Variants in THAP6 observed in about 807,000 individuals in gnomAD.
The protein encoded by THAP6 is THAP domain-containing protein 6.
In THAP6, 13 loss-of-function variants were observed where a neutral mutation model predicts 20.0. That is an observed-to-expected ratio of 0.65 (90% CI 0.42 to 1.03). The LOEUF is 1.03. Among genes scored for constraint, THAP6 ranks in the 50% least tolerant of loss-of-function variants. The pLI is 0.00. For missense variants in THAP6, 262 were observed against 261.6 expected (o/e 1.00, Z -0.01); for synonymous variants, 93 against 92.2 (o/e 1.01, Z -0.05).
chr4:75,518,844 CTGTT>C (rs1725831569), intron 3 of THAP6, among the ~76,000 whole-genome samples: 2 of 152,212 alleles, frequency 1.3e-5, no homozygotes, highest in Admixed American at 1.3e-4. Context: ...GCATCCCAAT[CTGTT>C]TGTGCTGCAG....
At chr4:75,539,342 C>T (rs1726945907) in intron 2 of THAP6, among the ~76,000 whole-genome samples, 1 of 152,138 alleles carries the variant, frequency 6.6e-6, no homozygotes, top group Non-Finnish European at 1.5e-5. Context: ...TGTAATAACC[C>T]ATCACATATA....
Position 75,516,888 on chromosome 4 carries a change from T to G in THAP6, c.197T>G (p.Phe66Cys), listed in dbSNP as rs201504507. 6.2e-7 allele frequency: 1 copy of G among 1,614,116 alleles called. No individual in the cohort carries two copies. The highest frequency in any genetic ancestry group is 8.5e-7 in the Non-Finnish European group (1 of 1,180,004). The change falls in exon 3 of 5, where the codon TTT (phenylalanine) becomes TGT (cysteine). Residue 66 changes from phenylalanine to cysteine, a missense_variant. Phe to Cys is a radical substitution (Grantham distance 205, BLOSUM62 -2). Coordinates refer to ENST00000311638, the MANE Select transcript of THAP6 (RefSeq NM_144721.6). Reference sequence around the variant, plus strand: ...GGAGATGTGTTGTGTTCGAGGCACTTTAAGAAGACAGATTTTGACAGAAGT... The same window carrying G: ...GGAGATGTGTTGTGTTCGAGGCACTGTAAGAAGACAGATTTTGACAGAAGT... Reference protein sequence around the residue: ...KKGDVLCSRHFKKTDFDRSAP... With the variant: ...KKGDVLCSRHCKKTDFDRSAP...
intron 2 of THAP6, chr4:75,539,818 A>C: frequency 6.5e-7 from 1 of 1,535,814 alleles, no homozygotes; most frequent in Non-Finnish European, 8.7e-7. Context: ...AGCCATCCAC[A>C]TACTGTTTTT....
upstream of THAP6, chr4:75,514,003 G>A (rs967128436): frequency 8.6e-5 from 65 of 752,974 alleles, no homozygotes; most frequent in Non-Finnish European, 1.3e-4. Flanking sequence ...TTAAAGGTAC[G>A]AAGCAGGTAG....
At chr4:75,520,133 A>C (rs556065328) in intron 3 of THAP6, among the ~76,000 whole-genome samples, 1 of 152,230 alleles carries the variant, frequency 6.6e-6, no homozygotes, top group Non-Finnish European at 1.5e-5. Flanking sequence ...TCTTCTTTTG[A>C]GAAGTGTCTG....
chr4:75,529,780 C>T lies in THAP6; in HGVS notation c.*2566C>T. 1 of 985,406 alleles carries T rather than the reference C, an allele frequency of 1.0e-6. No individual in the cohort carries two copies. Among genetic ancestry groups the T allele is most frequent in the African/African-American group, 1.7e-5 (1 of 57,348 alleles). 61.0% of individuals were successfully genotyped at this position (985,406 alleles called of 1,614,324 possible). A position where few individuals can be genotyped will look rare whatever the true frequency, so the allele number is the denominator to read the frequency against. ...ACACATTAATACAACAGTTCAACCT[C>T]AGCACCAAGTCAGGTACGAAGCGCT... is the stretch of plus-strand genomic sequence containing the variant. On this transcript the variant is annotated 3_prime_UTR_variant, in exon 5 of 5. Coordinates refer to ENST00000311638, the MANE Select transcript of THAP6 (RefSeq NM_144721.6).
At chr4:75,546,063 C>T (rs1578286478) in intron 3 of THAP6, among the ~76,000 whole-genome samples, 1 of 152,162 alleles carries the variant, frequency 6.6e-6, no homozygotes, top group East Asian at 1.9e-4. Flanking sequence ...TCACTTAATA[C>T]AGAAGGATGG....
In THAP6 at chr4:75,529,575, C is replaced by G; in HGVS notation, c.*2361C>G. The G allele has an allele frequency of 1.0e-6, 1 of 985,438 alleles. No individual in the cohort carries two copies. The highest frequency in any genetic ancestry group is 1.2e-6 in the Non-Finnish European group (1 of 829,958). 61.0% of individuals were successfully genotyped at this position (985,438 alleles called of 1,614,324 possible). The stretch of plus-strand genomic sequence containing the variant: ...CCTCCCTGCTGCTCCAAACAAATGC[C>G]TAAACACAGTATGTATCTCAGTCCT... On this transcript the variant is annotated 3_prime_UTR_variant, in exon 5 of 5. Coordinates refer to ENST00000311638, the MANE Select transcript of THAP6 (RefSeq NM_144721.6).
chr4:75,544,825 A>T (rs1156717702), intron 3 of THAP6, among the ~76,000 whole-genome samples: 3 of 152,188 alleles, frequency 2.0e-5, no homozygotes, highest in Admixed American at 2.0e-4. Flanking sequence ...CTTGAAAAAA[A>T]ATTAACCAAG....
intron 3 of THAP6, 29 bp downstream of exon 3, chr4:75,517,008 A>C: frequency 1.6e-6 from 2 of 1,229,784 alleles, no homozygotes; most frequent in Non-Finnish European, 2.3e-6. Context: ...GTTTACCATC[A>C]TTGCTCACTT....
At chr4:75,516,553 G>A (rs530316252) in intron 2 of THAP6, among the ~76,000 whole-genome samples, 1 of 152,230 alleles carries the variant, frequency 6.6e-6, no homozygotes, top group South Asian at 2.1e-4. Context: ...GAGAAAAAAT[G>A]AAATGAGGGC....
intron 4 of THAP6, among the ~76,000 whole-genome samples, chr4:75,525,347 T>C (rs1230501209): frequency 6.6e-6 from 1 of 152,212 alleles, no homozygotes; most frequent in Non-Finnish European, 1.5e-5. Flanking sequence ...CTGTAGTCCA[T>C]ACTGGATAGT....
At chr4:75,546,186 C>T (rs551202166) in intron 3 of THAP6, among the ~76,000 whole-genome samples, 33 of 152,260 alleles carry the variant, frequency 2.2e-4, no homozygotes, top group Non-Finnish European at 4.4e-4. Context: ...TTCAAACCAC[C>T]AGGAAAGAGG....
intron 3 of THAP6, among the ~76,000 whole-genome samples, chr4:75,518,796 A>C (rs1185471618): frequency 6.6e-6 from 1 of 152,240 alleles, no homozygotes; most frequent in African/African-American, 2.4e-5. Context: ...TCTTCCAGAG[A>C]ATTAGATTCA....
intron 3 of THAP6, chr4:75,542,544 C>T: frequency 1.4e-6 from 1 of 692,866 alleles, no homozygotes; most frequent in Admixed American, 2.1e-5. Flanking sequence ...TTCACAACAA[C>T]CCTATAAGGT....
chr4:75,535,246 A>G (rs1194143405), intron 2 of THAP6, among the ~76,000 whole-genome samples: 2 of 152,206 alleles, frequency 1.3e-5, no homozygotes, highest in Non-Finnish European at 1.5e-5. Context: ...GAACTACAAG[A>G]TGAAATTTAG....
chr4:75,545,344 T>C (rs750855862), intron 3 of THAP6, among the ~76,000 whole-genome samples: 1 of 152,186 alleles, frequency 6.6e-6, no homozygotes, highest in Non-Finnish European at 1.5e-5. Context: ...TGCCATTCTG[T>C]TGCTAAATCA....
intron 2 of THAP6, 96 bp downstream of exon 2, chr4:75,515,628 C>T (rs1023728936): frequency 7.8e-6 from 9 of 1,156,844 alleles, no homozygotes; most frequent in African/African-American, 1.5e-5. Flanking sequence ...CTTTAGTTCC[C>T]GAGTCCTTTT....
downstream of THAP6, among the ~76,000 whole-genome samples, chr4:75,533,399 C>G (rs1200875417): frequency 6.6e-6 from 1 of 152,174 alleles, no homozygotes; most frequent in Non-Finnish European, 1.5e-5. Context: ...CAACAAGTCT[C>G]TAGGGAGTTC....
Sources: gnomAD v4.1 joint callset for allele counts (sites outside exome capture counted in the v4.1 genomes callset) on GRCh38, gnomAD v4.1.1 for gene constraint, MANE v1.5 for transcripts, NCBI Gene and HGNC (gene_info 2026-07-23, HGNC 2026-07-21) for gene names.